The following SV2C variants were observed in gnomAD, a reference collection of about 807,000 sequenced individuals.
SV2C encodes solute carrier family 22 member B3.
Under a neutral mutation model 79.7 loss-of-function variants are expected in SV2C, and 49 were observed. The ratio of observed to expected loss-of-function variants is 0.61; its 90% confidence interval spans 0.49 to 0.78. The LOEUF is 0.78. SV2C is among the 30% of genes least tolerant of loss of function. The pLI is 0.00. For synonymous variants in SV2C, 334 were observed against 333.2 expected, an observed-to-expected ratio of 1.00 and a Z score of -0.03; for missense variants, 833 against 912.9, an observed-to-expected ratio of 0.91 and a Z score of 1.13.
At chr5:76,166,040 T>C (rs1319024932) in intron 2 of SV2C, among the ~76,000 whole-genome samples, 1 of 152,196 alleles carries the variant, frequency 6.6e-6, no homozygotes, top group African/African-American at 2.4e-5. Context: ...TAGCTGAGTG[T>C]TCCCTCCGCC....
the SV2C span, among the ~76,000 whole-genome samples, chr5:75,916,860 G>A: frequency 6.6e-6 from 1 of 152,120 alleles, no homozygotes; most frequent in Non-Finnish European, 1.5e-5. Context: ...TGCCAGCCTT[G>A]GGCAGGATGA....
chr5:75,985,371 T>C, the SV2C span, among the ~76,000 whole-genome samples: 1 of 151,896 alleles, frequency 6.6e-6, no homozygotes, highest in African/African-American at 2.4e-5. Context: ...AATTTCAACA[T>C]GAGTTTTAGC....
chr5:76,147,638 C>T (rs946387786), intron 2 of SV2C, among the ~76,000 whole-genome samples: 12 of 152,106 alleles, frequency 7.9e-5, no homozygotes, highest in Admixed American at 3.3e-4. Flanking sequence ...ACTTGGAAAT[C>T]AGAGGGGAAC....
At chr5:76,035,555 T>A in the SV2C span, among the ~76,000 whole-genome samples, 1 of 152,090 alleles carries the variant, frequency 6.6e-6, no homozygotes, top group Admixed American at 6.6e-5. Context: ...TGCAGTTGAG[T>A]GGTTTTGAGT....
chr5:76,003,482 T>G, the SV2C span, among the ~76,000 whole-genome samples: 1 of 152,198 alleles, frequency 6.6e-6, no homozygotes, highest in Non-Finnish European at 1.5e-5. Flanking sequence ...CAATTATAAT[T>G]GCTAGCCTGT....
chr5:76,296,905 A>C (rs1747789082), intron 9 of SV2C, among the ~76,000 whole-genome samples: 1 of 152,222 alleles, frequency 6.6e-6, no homozygotes, highest in South Asian at 2.1e-4. Flanking sequence ...ACTGACTTGA[A>C]TCTGCACTTA....
chr5:76,235,226 G>A (rs889635532), intron 4 of SV2C, among the ~76,000 whole-genome samples: 2 of 148,334 alleles, frequency 1.3e-5, no homozygotes, highest in Non-Finnish European at 3.0e-5. Flanking sequence ...GACATTTAAC[G>A]ATATTTTTGA....
At chr5:75,921,392 T>G in the SV2C span, 1 of 844,580 alleles carries the variant, frequency 1.2e-6, no homozygotes, top group Non-Finnish European at 2.1e-6. Context: ...CTGCCCTGGG[T>G]CAAACTGCGC....
intron 2 of SV2C, among the ~76,000 whole-genome samples, chr5:76,151,815 C>G (rs570265471): frequency 1.9e-5 from 1 of 53,602 alleles, no homozygotes; most frequent in South Asian, 5.9e-4. Context: ...CAAGTGGTGC[C>G]ACCCAGTGAA....
Position 76,263,617 on chromosome 5 carries a change from A to G in SV2C, c.914-21545A>G, listed in dbSNP as rs532092880. Among the ~76,000 whole-genome samples, 198 of 151,844 alleles carry G rather than the reference A, an allele frequency of 1.3e-3. 1 individual carries two copies. The highest frequency in any genetic ancestry group is 4.6e-3 in the African/African-American group (189 of 41,390). On this transcript the variant is annotated intron_variant, in intron 4 of 12. Transcript: ENST00000502798. ...TGGCTGGTACCGGTTTTTCCTTTCC[A>G]TATTTAGTGCTTCCTTCAGGAGTTC...
At chr5:75,868,878 T>C in the SV2C span, among the ~76,000 whole-genome samples, 80 of 152,314 alleles carry the variant, frequency 5.3e-4, no homozygotes, top group African/African-American at 1.9e-3. Context: ...CTTTCCCTGG[T>C]TCCCTGACAT....
intron 12 of SV2C, among the ~76,000 whole-genome samples, chr5:76,340,127 A>C (rs1013893718): frequency 6.6e-6 from 1 of 152,244 alleles, no homozygotes; most frequent in African/African-American, 2.4e-5. Context: ...CAGCGCCATG[A>C]CAGTTTACAA....
chr5:76,138,280 A>G (rs1189339759), intron 2 of SV2C, among the ~76,000 whole-genome samples: 3 of 152,144 alleles, frequency 2.0e-5, no homozygotes, highest in Admixed American at 1.3e-4. Context: ...TCTTAGTCCT[A>G]TGTTCCTTTC....
chr5:76,307,631 C>T (rs962073964), intron 12 of SV2C, among the ~76,000 whole-genome samples: 1 of 152,110 alleles, frequency 6.6e-6, no homozygotes. Context: ...TTCTCTTCTG[C>T]CTGAACTCCA....
intron 7 of SV2C, 125 bp from the exon 8 acceptor site, chr5:76,291,643 A>G (rs1434059219): frequency 1.5e-6 from 1 of 680,262 alleles, no homozygotes; most frequent in Non-Finnish European, 2.5e-6. Context: ...TAACTTTTAC[A>G]TTTTAAGGTG....
intron 12 of SV2C, among the ~76,000 whole-genome samples, chr5:76,344,307 G>C (rs1354912915): frequency 2.0e-5 from 3 of 152,226 alleles, no homozygotes; most frequent in African/African-American, 7.2e-5. Flanking sequence ...CTATGGGAAA[G>C]AGACACTCTC....
At chr5:75,888,068 C>T in the SV2C span, among the ~76,000 whole-genome samples, 2 of 152,008 alleles carry the variant, frequency 1.3e-5, no homozygotes, top group African/African-American at 4.8e-5. Context: ...AATTTGTATT[C>T]TATCATTATC....
the SV2C span, among the ~76,000 whole-genome samples, chr5:76,062,601 A>T: frequency 3.3e-5 from 5 of 151,482 alleles, no homozygotes; most frequent in Non-Finnish European, 7.4e-5. Flanking sequence ...ATGAACTTCG[A>T]TATCAGGGTT....
At chr5:76,273,924 A>G (rs954184320) in intron 4 of SV2C, among the ~76,000 whole-genome samples, 1 of 152,234 alleles carries the variant, frequency 6.6e-6, no homozygotes, top group Non-Finnish European at 1.5e-5. Context: ...CACAGCCCCA[A>G]GGGTCCAAGA....
Sources: gnomAD v4.1 joint callset for allele counts (sites outside exome capture counted in the v4.1 genomes callset) on GRCh38, gnomAD v4.1.1 for gene constraint, MANE v1.5 for transcripts, NCBI Gene and HGNC (gene_info 2026-07-23, HGNC 2026-07-21) for gene names.